SNTG1: variants seen among roughly 807,000 people sequenced by gnomAD.
The protein encoded by SNTG1 is syntrophin gamma 1, also known as gamma-1-syntrophin.
SNTG1 carries 39 observed loss-of-function variants against 74.7 expected under a neutral mutation model. The observed-to-expected ratio is 0.52, with a 90% confidence interval of 0.40 to 0.68. SNTG1 has a LOEUF of 0.68. Ranked by LOEUF, SNTG1 falls within the 30% of genes least tolerant of loss-of-function variation. The probability of loss-of-function intolerance (pLI) is 0.00; values close to 1 mark genes in which losing one functional copy is unlikely to be tolerated. For missense variants in SNTG1, 685 were observed against 609.5 expected, an observed-to-expected ratio of 1.12 and a Z score of -1.30; for synonymous variants, 254 against 217.1, an observed-to-expected ratio of 1.17 and a Z score of -1.49.
chr8:50,448,889 T>C (rs2093430087), intron 5 of SNTG1, among the ~76,000 whole-genome samples: 1 of 89,024 alleles, frequency 1.1e-5, no homozygotes, highest in Non-Finnish European at 3.3e-5. Context: ...AAAAATTAGC[T>C]GGGCATGGCG....
At position 49,978,972 on chromosome 8, in the gene SNTG1, ATCT is replaced by A. The variant is rs1288392897; in HGVS notation, c.-103+66747_-103+66749del. Among the ~76,000 whole-genome samples the A allele has an allele frequency of 7.9e-5, 12 of 152,356 alleles. 1 individual carries two copies. The East Asian group carries it at 1.5e-3, about 20-fold the overall frequency. Reference sequence around the variant, plus strand: ...TAGGAGATATGGATGAATAAAGGTAATCTTCTTCCACACTTGGGTAAAATCACA... The same window carrying A: ...TAGGAGATATGGATGAATAAAGGTAATCTTCCACACTTGGGTAAAATCACA... On this transcript the variant is annotated intron_variant, in intron 1 of 18. Coordinates refer to ENST00000642720, the MANE Select transcript of SNTG1 (RefSeq NM_018967.5).
intron 3 of SNTG1, among the ~76,000 whole-genome samples, chr8:50,400,595 AT>A: frequency 6.6e-6 from 1 of 152,320 alleles, no homozygotes; most frequent in Admixed American, 6.5e-5. Context: ...TTTAAGGGAT[AT>A]ACTAATTTAC....
chr8:50,407,417 A>G (rs958142094), intron 4 of SNTG1, among the ~76,000 whole-genome samples: 1 of 152,168 alleles, frequency 6.6e-6, no homozygotes, highest in African/African-American at 2.4e-5. Context: ...TGAAAACAAG[A>G]TTGCTATCAG....
At chr8:50,354,738 A>G (rs1161475760) in intron 2 of SNTG1, among the ~76,000 whole-genome samples, 2 of 152,164 alleles carry the variant, frequency 1.3e-5, no homozygotes, top group Non-Finnish European at 2.9e-5. Flanking sequence ...GCTGCAGTCA[A>G]GATGTCAGCC....
upstream of SNTG1, among the ~76,000 whole-genome samples, chr8:49,910,616 A>G (rs1251755624): frequency 2.0e-5 from 3 of 152,072 alleles, no homozygotes; most frequent in Non-Finnish European, 4.4e-5. Context: ...GGGACCACGC[A>G]CCCATACCCT....
At chr8:50,707,104 T>C (rs1298057993) in intron 16 of SNTG1, among the ~76,000 whole-genome samples, 1 of 152,062 alleles carries the variant, frequency 6.6e-6, no homozygotes, top group Non-Finnish European at 1.5e-5. Context: ...GTATATAAAT[T>C]GAGACTTCAA....
chr8:50,025,302 T>G (rs1354476738), intron 1 of SNTG1, among the ~76,000 whole-genome samples: 1 of 152,184 alleles, frequency 6.6e-6, no homozygotes, highest in Non-Finnish European at 1.5e-5. Context: ...TCATTAATCT[T>G]AATCTTAATT....
chr8:50,787,888 G>A (rs1184641222), intron 18 of SNTG1, among the ~76,000 whole-genome samples: 1 of 151,930 alleles, frequency 6.6e-6, no homozygotes, highest in African/African-American at 2.4e-5. Flanking sequence ...TATATTTTTG[G>A]AGTGATAAAA....
At chr8:50,183,052 G>A (rs576403101) in intron 2 of SNTG1, among the ~76,000 whole-genome samples, 1 of 152,198 alleles carries the variant, frequency 6.6e-6, no homozygotes, top group South Asian at 2.1e-4. Flanking sequence ...CCAACTGACT[G>A]TAACGCCTAA....
intron 12 of SNTG1, among the ~76,000 whole-genome samples, chr8:50,571,811 T>C (rs544514837): frequency 6.6e-6 from 1 of 152,294 alleles, no homozygotes; most frequent in Non-Finnish European, 1.5e-5. Flanking sequence ...TGAATTGTGT[T>C]AAGCAGTAGA....
At chr8:50,399,957 TA>T (rs1321256243) in intron 3 of SNTG1, among the ~76,000 whole-genome samples, 10 of 152,146 alleles carry the variant, frequency 6.6e-5, no homozygotes, top group Non-Finnish European at 1.3e-4. Context: ...CTGTTTTTCC[TA>T]AAAAAGACAT....
intron 17 of SNTG1, among the ~76,000 whole-genome samples, chr8:50,751,394 C>A (rs2095567045): frequency 2.0e-5 from 3 of 151,984 alleles, no homozygotes; most frequent in Non-Finnish European, 2.9e-5. Flanking sequence ...CCAATTTCAC[C>A]TTTTATATCT....
chr8:50,672,275 G>A (rs973125731), intron 15 of SNTG1, among the ~76,000 whole-genome samples: 2 of 151,990 alleles, frequency 1.3e-5, no homozygotes, highest in Non-Finnish European at 2.9e-5. Context: ...GTTCCAAAAT[G>A]GTTGAACTAA....
intron 1 of SNTG1, among the ~76,000 whole-genome samples, chr8:50,089,991 T>G (rs1353544937): frequency 6.6e-6 from 1 of 152,178 alleles, no homozygotes; most frequent in Non-Finnish European, 1.5e-5. Flanking sequence ...ACAATATAAT[T>G]TATTTTAGAA....
intron 1 of SNTG1, among the ~76,000 whole-genome samples, chr8:49,947,808 A>G (rs1270301909): frequency 7.9e-5 from 12 of 152,092 alleles, no homozygotes; most frequent in Admixed American, 7.2e-4. Flanking sequence ...ATATGTTTTG[A>G]CTCTATTAAG....
chr8:50,277,786 A>T (rs914437347), intron 2 of SNTG1, among the ~76,000 whole-genome samples: 1 of 152,156 alleles, frequency 6.6e-6, no homozygotes, highest in South Asian at 2.1e-4. Flanking sequence ...GTATAAATTA[A>T]GTTTTTATTA....
intron 1 of SNTG1, among the ~76,000 whole-genome samples, chr8:50,075,507 C>T (rs1435692514): frequency 2.6e-5 from 4 of 152,152 alleles, no homozygotes; most frequent in East Asian, 1.9e-4. Context: ...ATCAGCACCC[C>T]GTCAAAACGG....
chr8:50,119,839 A>G (rs1326714545), intron 1 of SNTG1, among the ~76,000 whole-genome samples: 1 of 142,196 alleles, frequency 7.0e-6, no homozygotes, highest in Non-Finnish European at 1.6e-5. Flanking sequence ...AATACGCTAG[A>G]ATAATACAAG....
chr8:50,271,094 G>A (rs528988590), intron 2 of SNTG1, among the ~76,000 whole-genome samples: 1 of 152,278 alleles, frequency 6.6e-6, no homozygotes, highest in South Asian at 2.1e-4. Flanking sequence ...AGTGCTTTGA[G>A]ATTGCATGAT....
Sources: gnomAD v4.1 joint callset for allele counts (sites outside exome capture counted in the v4.1 genomes callset) on GRCh38, gnomAD v4.1.1 for gene constraint, MANE v1.5 for transcripts, NCBI Gene and HGNC (gene_info 2026-07-23, HGNC 2026-07-21) for gene names.